The following FHIT variants were observed in gnomAD, a reference collection of about 807,000 sequenced individuals.
FHIT encodes bis(5'-adenosyl)-triphosphatase.
Under a neutral mutation model 17.9 loss-of-function variants are expected in FHIT, and 19 were observed. The ratio of observed to expected loss-of-function variants is 1.06; its 90% CI spans 0.74 to 1.56. The LOEUF (loss-of-function observed/expected upper bound fraction) is 1.56, where lower values mean the gene tolerates loss of function less well. FHIT is among the 40% of genes most tolerant of loss of function. The probability of loss-of-function intolerance (pLI) is 0.00; values close to 1 mark genes in which losing one functional copy is unlikely to be tolerated. For missense variants in FHIT, 248 were observed against 189.2 expected, an observed-to-expected ratio of 1.31 and a Z score of -1.82; for synonymous variants, 81 against 69.7, an observed-to-expected ratio of 1.16 and a Z score of -0.81.
chr3:60,375,376 C>T (rs1278886897), intron 5 of FHIT, among the ~76,000 whole-genome samples: 1 of 149,674 alleles, frequency 6.7e-6, no homozygotes, highest in Non-Finnish European at 1.5e-5. Flanking sequence ...CGAGACTACC[C>T]TGGGCAACAA....
chr3:59,749,840 C>T (rs188934678), intron 9 of FHIT: 2 of 223,660 alleles, frequency 8.9e-6, no homozygotes, highest in Non-Finnish European at 1.8e-5. Flanking sequence ...ATAGTTAGTC[C>T]CATTATACTC....
chr3:60,023,938 G>A (rs1005911929), intron 5 of FHIT, among the ~76,000 whole-genome samples: 4 of 151,562 alleles, frequency 2.6e-5, no homozygotes, highest in Non-Finnish European at 4.4e-5. Flanking sequence ...CAGTGAACCA[G>A]TCCAGACTCA....
At chr3:59,808,415 A>G (rs890850549) in intron 8 of FHIT, among the ~76,000 whole-genome samples, 2 of 152,082 alleles carry the variant, frequency 1.3e-5, no homozygotes, top group Admixed American at 1.3e-4. Context: ...CCTCTCTGAC[A>G]AGCCCCTGGG....
In FHIT at chr3:61,049,692, G is replaced by T. The variant is rs76730204; in HGVS notation, c.-163-7593C>A. Reference sequence around the variant, plus strand: ...AGCCAAGACTCCAGACTAAATACCAGGTTATAGTGGTGATTGGGTTCAGGA... The same window carrying T: ...AGCCAAGACTCCAGACTAAATACCATGTTATAGTGGTGATTGGGTTCAGGA... On this transcript the variant is annotated intron_variant, in intron 2 of 9. Coordinates refer to ENST00000492590, the MANE Select transcript of FHIT (RefSeq NM_002012.4). Among the ~76,000 whole-genome samples, 423 of 152,194 alleles carry T rather than the reference G, an allele frequency of 2.8e-3. 4 individuals are homozygous for T. The highest frequency in any genetic ancestry group is 9.4e-3 in the African/African-American group (391 of 41,536).
At position 59,912,678 on chromosome 3, in the gene FHIT, A is replaced by T. The variant is rs756334496; in HGVS notation, c.348+9668T>A. ...CTCTGAAGAGCTTACTAGAAGAAAC[A>T]ATTTTTTAGAGGGAAAATATATGTT... On this transcript the variant is annotated intron_variant, in intron 8 of 9. Coordinates refer to ENST00000492590, the MANE Select transcript of FHIT (RefSeq NM_002012.4). Among the ~76,000 whole-genome samples the T allele has an allele frequency of 2.3e-4, 35 of 152,336 alleles. 1 individual carries two copies. Among genetic ancestry groups the T allele is most frequent in the Admixed American group, 1.0e-3 (16 of 15,308 alleles).
At chr3:60,584,852 C>T (rs2037856764) in intron 4 of FHIT, among the ~76,000 whole-genome samples, 1 of 151,918 alleles carries the variant, frequency 6.6e-6, no homozygotes, top group South Asian at 2.1e-4. Flanking sequence ...TTCTAATGTT[C>T]CTGAACTATA....
intron 3 of FHIT, among the ~76,000 whole-genome samples, chr3:61,037,526 G>A (rs1305688469): frequency 1.3e-5 from 2 of 152,150 alleles, no homozygotes; most frequent in African/African-American, 4.8e-5. Context: ...CACATCAAAT[G>A]CTATGGTTTG....
At chr3:60,106,700 C>A (rs903897573) in intron 5 of FHIT, among the ~76,000 whole-genome samples, 2 of 152,108 alleles carry the variant, frequency 1.3e-5, no homozygotes, top group African/African-American at 2.4e-5. Flanking sequence ...TCTATCTTCC[C>A]AAAGGGTGCA....
chr3:59,971,216 G>A (rs542683491), intron 7 of FHIT, among the ~76,000 whole-genome samples: 3 of 152,134 alleles, frequency 2.0e-5, no homozygotes, highest in African/African-American at 7.2e-5. Flanking sequence ...CTATTTGAAA[G>A]TAGTCGGCTT....
At chr3:60,494,026 CAT>C (rs1275113696) in intron 5 of FHIT, among the ~76,000 whole-genome samples, 1 of 152,178 alleles carries the variant, frequency 6.6e-6, no homozygotes, top group African/African-American at 2.4e-5. Flanking sequence ...TAATAAATGA[CAT>C]ATACTCAAAT....
rs146842012 is a variant in FHIT at position 60,192,827 on chromosome 3, G to C, written c.104-178675C>G. Among the ~76,000 whole-genome samples, 5 of 152,154 alleles carry C rather than the reference G, an allele frequency of 3.3e-5. No homozygotes were observed. In the East Asian group the frequency reaches 9.7e-4, roughly 29 times the overall value. On this transcript the variant is annotated intron_variant, in intron 5 of 9. Coordinates refer to ENST00000492590, the MANE Select transcript of FHIT (RefSeq NM_002012.4). The stretch of plus-strand genomic sequence containing the variant: ...GACTCATGTTTGGTTTTGACTTTTC[G>C]TAACCACGATCCACATTAAGAGCTT...
At chr3:60,088,246 C>G (rs1703583892) in intron 5 of FHIT, among the ~76,000 whole-genome samples, 1 of 152,148 alleles carries the variant, frequency 6.6e-6, no homozygotes, top group African/African-American at 2.4e-5. Context: ...GATCCGAACA[C>G]CTCCCACCAG....
chr3:60,106,115 C>T (rs950326072), intron 5 of FHIT, among the ~76,000 whole-genome samples: 1 of 152,200 alleles, frequency 6.6e-6, no homozygotes, highest in Non-Finnish European at 1.5e-5. Context: ...ATATGCCACT[C>T]ACCTGTTAGA....
At chr3:60,075,255 G>A (rs1362658255) in intron 5 of FHIT, among the ~76,000 whole-genome samples, 1 of 152,032 alleles carries the variant, frequency 6.6e-6, no homozygotes, top group African/African-American at 2.4e-5. Flanking sequence ...TTAAAGTGGG[G>A]AGCTCCTTTA....
chr3:60,212,985 C>T (rs1703527332), intron 5 of FHIT, among the ~76,000 whole-genome samples: 1 of 152,100 alleles, frequency 6.6e-6, no homozygotes, highest in African/African-American at 2.4e-5. Flanking sequence ...TACTGAGATG[C>T]TTTCATGCCA....
rs148123821 is a variant in FHIT, at chr3:60,268,195, T to C, written c.104-254043A>G. On this transcript the variant is annotated intron_variant, in intron 5 of 9. Transcript: ENST00000492590. ...ACTCCTTGAAAAGCAGTCTGAACTT[T>C]TGAGTTTTTAGCATAATATTCTTAT... Among the ~76,000 whole-genome samples the C allele has an allele frequency of 5.4e-3, 817 of 152,332 alleles. 7 individuals carry two copies. Among genetic ancestry groups the C allele is most frequent in the African/African-American group, 0.018 (758 of 41,586 alleles).
At chr3:59,978,170 A>G (rs531646188) in intron 7 of FHIT, among the ~76,000 whole-genome samples, 1 of 152,256 alleles carries the variant, frequency 6.6e-6, no homozygotes, top group South Asian at 2.1e-4. Context: ...TAAAACAGGC[A>G]AAGTAACTTA....
At chr3:61,215,692 T>A (rs1414939970) in intron 1 of FHIT, among the ~76,000 whole-genome samples, 1 of 152,124 alleles carries the variant, frequency 6.6e-6, no homozygotes, top group East Asian at 1.9e-4. Context: ...ACCAAGTCAA[T>A]CCTAAGCCAA....
chr3:61,078,387 C>G (rs1424783126), intron 2 of FHIT, among the ~76,000 whole-genome samples: 1 of 152,124 alleles, frequency 6.6e-6, no homozygotes, highest in South Asian at 2.1e-4. Context: ...ACATTTTCCA[C>G]TGAGTCTCTG....
Sources: gnomAD v4.1 joint callset for allele counts (sites outside exome capture counted in the v4.1 genomes callset) on GRCh38, gnomAD v4.1.1 for gene constraint, MANE v1.5 for transcripts, NCBI Gene and HGNC (gene_info 2026-07-23, HGNC 2026-07-21) for gene names.